The following PPP2R5B variants were observed in gnomAD, a reference collection of about 807,000 sequenced individuals.
PPP2R5B encodes serine/threonine-protein phosphatase 2A 56 kDa regulatory subunit beta isoform.
In PPP2R5B, 19 loss-of-function variants were observed where a neutral mutation model predicts 59.9. The ratio of observed to expected loss-of-function variants is 0.32; its 90% CI spans 0.22 to 0.47. PPP2R5B has a LOEUF of 0.47. Ranked by LOEUF, PPP2R5B falls within the 20% of genes least tolerant of loss-of-function variation. The pLI, the probability that PPP2R5B is intolerant of heterozygous loss-of-function variation, is 1.00. For missense variants in PPP2R5B, 441 were observed against 640.2 expected (o/e 0.69, Z 3.36); for synonymous variants, 286 against 260.5 (o/e 1.10, Z -0.94).
At chr11:64,933,360 A>C in intron 13 of PPP2R5B, 114 bp downstream of exon 13, 1 of 905,816 alleles carries the variant, frequency 1.1e-6, no homozygotes, top group Non-Finnish European at 1.7e-6. Context: ...AGATGCTGCA[A>C]GACTGTCCAT....
chr11:64,927,739 A>T, intron 3 of PPP2R5B, 63 bp from the exon 4 acceptor site: 17 of 1,135,480 alleles, frequency 1.5e-5, no homozygotes, highest in Non-Finnish European at 1.8e-5. Context: ...GCTTTGAATG[A>T]GAGACTCCCT....
Position 64,928,055 on chromosome 11 carries a change from C to G in PPP2R5B, c.499-11C>G. The G allele has an allele frequency of 6.2e-7, 1 of 1,613,718 alleles. No homozygotes were observed. The highest frequency in any genetic ancestry group is 8.5e-7 in the Non-Finnish European group (1 of 1,179,640). On this transcript the variant is annotated splice_polypyrimidine_tract_variant and intron_variant, in intron 4 of 13. Coordinates refer to ENST00000164133, the MANE Select transcript of PPP2R5B (RefSeq NM_006244.4). ...ACTGAACTCACCTTTTTGTCTGTCC[C>G]CCTCCCCCAGCTGGTATATGAGTTT...
upstream of PPP2R5B, among the ~76,000 whole-genome samples, chr11:64,919,921 A>G (rs1362141690): frequency 1.3e-5 from 2 of 152,092 alleles, no homozygotes; most frequent in Non-Finnish European, 2.9e-5. Context: ...GAGCGAATGA[A>G]TGAAAAAGCA....
chr11:64,928,711 C>G (rs553977154), intron 6 of PPP2R5B, among the ~76,000 whole-genome samples: 1 of 152,204 alleles, frequency 6.6e-6, no homozygotes, highest in Admixed American at 6.5e-5. Context: ...GGTGAAACCC[C>G]GTCTCTACTA....
Position 64,927,797 on chromosome 11 carries a change from C to T in PPP2R5B, c.397-5C>T. On this transcript the variant is annotated splice_region_variant and splice_polypyrimidine_tract_variant and intron_variant, in intron 3 of 13. Coordinates refer to ENST00000164133, the MANE Select transcript of PPP2R5B (RefSeq NM_006244.4). Reference sequence around the variant, plus strand: ...TCCTTAATGAACCCCAACTCTGCCACTCAGATCTCAGTGAATATCTTCCGG... The same window carrying T: ...TCCTTAATGAACCCCAACTCTGCCATTCAGATCTCAGTGAATATCTTCCGG... 1 of 1,590,748 alleles carries T rather than the reference C, an allele frequency of 6.3e-7. No individual in the cohort carries two copies. Among genetic ancestry groups the T allele is most frequent in the Non-Finnish European group, 8.6e-7 (1 of 1,158,840 alleles).
chr11:64,924,483 C>T (rs1945137062), upstream of PPP2R5B: 1 of 122,624 alleles, frequency 8.2e-6, no homozygotes, highest in Admixed American at 7.4e-5. Context: ...CTTCCCGCCC[C>T]CGGCTAGAGC....
upstream of PPP2R5B, among the ~76,000 whole-genome samples, chr11:64,922,768 G>A (rs977187918): frequency 6.6e-6 from 1 of 151,486 alleles, no homozygotes; most frequent in Non-Finnish European, 1.5e-5. Context: ...CCAGCTATTC[G>A]GGAGGCTGAG....
At position 64,933,968 on chromosome 11, in the gene PPP2R5B, C is replaced by T. The variant is rs1391213669; in HGVS notation, c.*124C>T. On this transcript the variant is annotated 3_prime_UTR_variant, in exon 14 of 14. Transcript: ENST00000164133. ...CTTGCCAGAGTGGCTTCTGAGGACTCCCTGCCCAGCCCAGCTTTCACTGGG... is the reference window on the plus strand; with the variant it reads ...CTTGCCAGAGTGGCTTCTGAGGACTTCCTGCCCAGCCCAGCTTTCACTGGG... The T allele has an allele frequency of 1.7e-6, 2 of 1,189,126 alleles. No homozygotes were observed. Among genetic ancestry groups the T allele is most frequent in the African/African-American group, 3.1e-5 (2 of 63,596 alleles). 73.7% of individuals were successfully genotyped at this position (1,189,126 alleles called of 1,614,324 possible).
At position 64,933,814 on chromosome 11, in the gene PPP2R5B, C is replaced by G; in HGVS notation, c.1464C>G (p.Pro488=). 1 of 1,549,562 alleles carries G rather than the reference C, an allele frequency of 6.5e-7. No homozygotes were observed. Among genetic ancestry groups the G allele is most frequent in the Non-Finnish European group, 8.7e-7 (1 of 1,147,044 alleles). The part of the protein sequence containing the change: ...AKEAPLQRLT[P]QVAASGGQS ...AGGCCCCCCTCCAGCGGCTTACACCCCAGGTGGCCGCCAGTGGGGGTCAGA... is the reference window on the plus strand; with the variant it reads ...AGGCCCCCCTCCAGCGGCTTACACCGCAGGTGGCCGCCAGTGGGGGTCAGA... The change falls in exon 14 of 14, where the codon CCC becomes CCG. Residue 488 remains proline (P), a synonymous_variant. Coordinates refer to ENST00000164133, the MANE Select transcript of PPP2R5B (RefSeq NM_006244.4).
intron 6 of PPP2R5B, among the ~76,000 whole-genome samples, 177 bp from the exon 7 acceptor site, chr11:64,930,145 G>C (rs1476442604): frequency 3.3e-5 from 5 of 152,078 alleles, no homozygotes; most frequent in Non-Finnish European, 5.9e-5. Context: ...TTTCAGTGTG[G>C]GGGGGCGGGG....
At chr11:64,921,568 C>T (rs564811734), upstream of PPP2R5B, among the ~76,000 whole-genome samples, 67 of 152,276 alleles carry the variant, frequency 4.4e-4, no homozygotes, top group Non-Finnish European at 5.9e-4. Context: ...CCGGGGGCTG[C>T]GGCTTTTGAC....
At chr11:64,922,874 CAA>C (rs753434344), upstream of PPP2R5B, 5 of 125,624 alleles carry the variant, frequency 4.0e-5, no homozygotes, top group African/African-American at 8.8e-5. Flanking sequence ...GACTCCATCT[CAA>C]AAAAAAAAAA....
chr11:64,928,564 G>A, intron 6 of PPP2R5B, 139 bp downstream of exon 6: 1 of 1,352,364 alleles, frequency 7.4e-7, no homozygotes, highest in South Asian at 1.3e-5. Flanking sequence ...ATCACCTAAG[G>A]TGAGGAGTTT....
upstream of PPP2R5B, among the ~76,000 whole-genome samples, chr11:64,921,428 C>T (rs1945109444): frequency 6.6e-6 from 1 of 152,166 alleles, no homozygotes; most frequent in African/African-American, 2.4e-5. Context: ...GGGCATCCTT[C>T]CCACCTTAGA....
chr11:64,931,763 G>A lies in PPP2R5B; in HGVS notation c.1011G>A (p.Gly337=). The A allele has an allele frequency of 1.2e-6, 2 of 1,614,210 alleles. No individual in the cohort carries two copies. The highest frequency in any genetic ancestry group is 1.7e-6 in the Non-Finnish European group (2 of 1,180,028). ...AACCCACCCAGGTGATGTTTCTGGG[G>A]GAGATGGAAGAGATTCTTGATGTCA... is the stretch of plus-strand genomic sequence containing the variant. The part of the protein sequence containing the change: ...TCTQKEVMFL[G]EMEEILDVIE... Residue 337 remains glycine, a synonymous_variant, in exon 11 of 14, where the codon GGG becomes GGA. Coordinates refer to ENST00000164133, the MANE Select transcript of PPP2R5B (RefSeq NM_006244.4). This position sits in a 1 kb window ranked among gnomAD's most constrained non-coding sequence, Gnocchi z 5.0.
chr11:64,928,023 G>A (rs1945187172), intron 4 of PPP2R5B, 43 bp from the exon 5 acceptor site: 19 of 1,596,876 alleles, frequency 1.2e-5, no homozygotes, highest in East Asian at 4.5e-5. Flanking sequence ...GAGTGGGTGA[G>A]GCTGTTACTG....
At position 64,928,440 on chromosome 11, in the gene PPP2R5B, C is replaced by T. The variant is rs751164542; in HGVS notation, c.722+15C>T. ...ATCTTCCTCCGGTGAGTGGCTGCTG[C>T]CTGCCCAGCAGAGACCTGGGGAGGG... On this transcript the variant is annotated intron_variant, in intron 6 of 13. Coordinates refer to ENST00000164133, the MANE Select transcript of PPP2R5B (RefSeq NM_006244.4). 1.9e-6 allele frequency: 3 copies of T among 1,613,984 alleles called. No homozygotes were observed. The highest frequency in any genetic ancestry group is 1.6e-4 in the Middle Eastern group (1 of 6,062).
Position 64,927,973 on chromosome 11 carries a change from T to C in PPP2R5B, c.498+70T>C, listed in dbSNP as rs935329052. On this transcript the variant is annotated intron_variant, in intron 4 of 13. Transcript: ENST00000164133. ...TCCAAGGCATGGGGAGAGGGCCTCC[T>C]TAGCCCCTAGACAGTTGGATGAGGG... is the stretch of plus-strand genomic sequence containing the variant. The C allele has an allele frequency of 2.5e-5, 39 of 1,560,790 alleles. No homozygotes were observed. In the African/African-American group the frequency reaches 5.2e-4, roughly 21 times the overall value.
At chr11:64,920,052 G>C (rs866707110), upstream of PPP2R5B, among the ~76,000 whole-genome samples, 1 of 151,574 alleles carries the variant, frequency 6.6e-6, no homozygotes, top group Non-Finnish European at 1.5e-5. Context: ...GGCAGAGGTT[G>C]CCGTGAGCTG....
Sources: allele counts gnomAD v4.1 joint callset (sites outside exome capture counted in the v4.1 genomes callset), GRCh38; gene constraint gnomAD v4.1.1; non-coding constraint Gnocchi (gnomAD v3.1); transcripts MANE v1.5; gene names NCBI Gene and HGNC (gene_info 2026-07-23, HGNC 2026-07-21).